The following NQO1 variants were observed in gnomAD, a reference collection of about 807,000 sequenced individuals.
The protein encoded by NQO1 is NAD(P)H quinone dehydrogenase 1.
In NQO1, 30 loss-of-function variants were observed where a neutral mutation model predicts 32.1. That is an observed-to-expected ratio of 0.94 (90% CI 0.70 to 1.27). The LOEUF is 1.27. Among genes scored for constraint, NQO1 ranks in the 50% most tolerant of loss-of-function variants. The pLI, the probability that NQO1 is intolerant of heterozygous loss-of-function variation, is 0.00. For synonymous variants in NQO1, 109 were observed against 119.7 expected (o/e 0.91, Z 0.59); for missense variants, 276 against 331.3 (o/e 0.83, Z 1.30).
intron 4 of NQO1, among the ~76,000 whole-genome samples, chr16:69,714,612 G>C (rs537133231): frequency 6.6e-6 from 1 of 151,468 alleles, no homozygotes; most frequent in Admixed American, 6.6e-5. Flanking sequence ...GGGCACAGTG[G>C]CTCACACCGG....
intron 3 of NQO1, among the ~76,000 whole-genome samples, chr16:69,717,248 A>G (rs975557424): frequency 3.3e-5 from 5 of 152,176 alleles, no homozygotes; most frequent in Admixed American, 6.5e-5. Flanking sequence ...CACTGACGAG[A>G]TGCACGCACA....
chr16:69,710,789 G>T lies in NQO1; in HGVS notation c.*187C>A. Reference sequence around the variant, plus strand: ...GAGCCCAGTCGGATTTTGGTTATATGCCATGATAGTAATCATAAGAATCAG... The same window carrying T: ...GAGCCCAGTCGGATTTTGGTTATATTCCATGATAGTAATCATAAGAATCAG... On this transcript the variant is annotated 3_prime_UTR_variant, in exon 6 of 6. Transcript: ENST00000320623. 1.5e-6 allele frequency: 1 copy of T among 672,784 alleles called. No individual in the cohort carries two copies. The highest frequency in any genetic ancestry group is 2.4e-6 in the Non-Finnish European group (1 of 414,934). 41.7% of individuals were successfully genotyped at this position (672,784 alleles called of 1,614,324 possible).
chr16:69,710,834 G>A lies in NQO1; in HGVS notation c.*142C>T. 1.1e-6 allele frequency: 1 copy of A among 930,786 alleles called. No homozygotes were observed. Among genetic ancestry groups the A allele is most frequent in the Non-Finnish European group, 1.6e-6 (1 of 637,444 alleles). The allele number at this position is 930,786 out of a possible 1,614,324, so 57.7% of individuals were successfully genotyped here. On this transcript the variant is annotated 3_prime_UTR_variant, in exon 6 of 6. Transcript: ENST00000320623. ...AATCAGTTAAAAATGATCCAAAAAT[G>A]CACGAATACAGTCGATTCCCTCTCA...
chr16:69,718,263 A>C lies in NQO1; in HGVS notation c.173-10T>G, dbSNP rs768756094. ...GGGTCCTTCAGTTTACCTGCAGAGAAGAAAAAGAGAGGCTGGGGCCAGAGG... is the reference window on the plus strand; with the variant it reads ...GGGTCCTTCAGTTTACCTGCAGAGACGAAAAAGAGAGGCTGGGGCCAGAGG... On this transcript the variant is annotated splice_polypyrimidine_tract_variant and intron_variant, in intron 2 of 5. Coordinates refer to ENST00000320623, the MANE Select transcript of NQO1 (RefSeq NM_000903.3). The C allele has an allele frequency of 1.2e-6, 2 of 1,613,802 alleles. No individual in the cohort carries two copies. Among genetic ancestry groups the C allele is most frequent in the Non-Finnish European group, 1.7e-6 (2 of 1,179,960 alleles).
intron 1 of NQO1, among the ~76,000 whole-genome samples, chr16:69,722,271 C>A (rs1197550669): frequency 6.6e-6 from 1 of 152,136 alleles, no homozygotes; most frequent in Non-Finnish European, 1.5e-5. Flanking sequence ...TCAAGCGATT[C>A]TCCTTCCTCA....
intron 1 of NQO1, among the ~76,000 whole-genome samples, chr16:69,719,687 C>T (rs879475309): frequency 1.6e-4 from 24 of 152,078 alleles, no homozygotes; most frequent in Non-Finnish European, 2.9e-4. Context: ...GCAGGAGAAT[C>T]GCTTGAACCC....
chr16:69,712,980 G>A (rs367850768), intron 5 of NQO1, 48 bp downstream of exon 5: 2 of 1,486,382 alleles, frequency 1.3e-6, no homozygotes, highest in Non-Finnish European at 1.9e-6. Context: ...ATGACAGAGT[G>A]AGACTCCGTC....
chr16:69,721,863 C>T (rs2151746785), intron 1 of NQO1, among the ~76,000 whole-genome samples: 1 of 146,424 alleles, frequency 6.8e-6, no homozygotes, highest in South Asian at 2.2e-4. Context: ...ATTAGCTGAG[C>T]GTAGTGGTGT....
intron 1 of NQO1, among the ~76,000 whole-genome samples, chr16:69,719,638 T>A (rs1381200295): frequency 6.6e-6 from 1 of 151,978 alleles, no homozygotes; most frequent in African/African-American, 2.4e-5. Flanking sequence ...CTGGGTGTGG[T>A]AGCGGGCACC....
chr16:69,713,910 C>T (rs1268270598), intron 4 of NQO1, among the ~76,000 whole-genome samples: 1 of 91,000 alleles, frequency 1.1e-5, no homozygotes, highest in Non-Finnish European at 2.2e-5. Flanking sequence ...GAGGCTCGCT[C>T]TGTCACCCAG....
chr16:69,713,175 C>T, intron 4 of NQO1, 46 bp from the exon 5 acceptor site: 1 of 1,391,330 alleles, frequency 7.2e-7, no homozygotes, highest in Non-Finnish European at 1.0e-6. Flanking sequence ...CTCCACATCC[C>T]CTTGGTGACA....
intron 5 of NQO1, among the ~76,000 whole-genome samples, chr16:69,712,012 T>G (rs1429848291): frequency 6.6e-6 from 1 of 152,148 alleles, no homozygotes; most frequent in Non-Finnish European, 1.5e-5. Flanking sequence ...TTATAGAAAT[T>G]ATCTTGAGGG....
In NQO1 at chr16:69,710,999, T is replaced by G. The variant is rs745613753; in HGVS notation, c.802A>C (p.Asn268His). The change falls in exon 6 of 6, where the codon AAC (asparagine) becomes CAC (histidine). Residue 268 changes from asparagine (N) to histidine (H), a missense_variant. By Grantham distance (68) the Asn-to-His change is moderately conservative. Transcript: ENST00000320623. The stretch of plus-strand genomic sequence containing the variant: ...TCTCATTTTCTAGCTTTGATCTGGT[T>G]GTCAGTTGGGATGGACTTGCCCAAG... ...HHLGKSIPTDNQIKARK is the reference protein window; with the variant it reads ...HHLGKSIPTDHQIKARK 6.2e-7 allele frequency: 1 copy of G among 1,613,410 alleles called. No homozygotes were observed. The highest frequency in any genetic ancestry group is 2.2e-5 in the East Asian group (1 of 44,876).
Position 69,710,776 on chromosome 16 carries a change from A to AT in NQO1, c.*199dup. On this transcript the variant is annotated 3_prime_UTR_variant, in exon 6 of 6. Transcript: ENST00000320623. ...TAAGTGGCCTCTTGAGCCCAGTCGG[A>AT]TTTTGGTTATATGCCATGATAGTAA... 1.6e-6 allele frequency: 1 copy of AT among 615,042 alleles called. No individual in the cohort carries two copies. The highest frequency in any genetic ancestry group is 2.7e-6 in the Non-Finnish European group (1 of 367,122). 38.1% of individuals were successfully genotyped at this position (615,042 alleles called of 1,614,324 possible). A position where few individuals can be genotyped will look rare whatever the true frequency, so the allele number is the denominator to read the frequency against.
rs762328535 is a variant in NQO1 at position 69,718,551 on chromosome 16, A to C, written c.8-17T>G. On this transcript the variant is annotated splice_polypyrimidine_tract_variant and intron_variant, in intron 1 of 5. Transcript: ENST00000320623. ...CTCTTCTGCCTACAGAGACACACAC[A>C]AAGCACACACGGAAAACCCATTACC... 3.5e-5 allele frequency: 57 copies of C among 1,612,178 alleles called. No individual in the cohort carries two copies. The highest frequency in any genetic ancestry group is 4.7e-5 in the Non-Finnish European group (55 of 1,179,442).
Position 69,709,996 on chromosome 16 carries a change from T to C in NQO1, c.*980A>G, listed in dbSNP as rs2038016630. On this transcript the variant is annotated 3_prime_UTR_variant, in exon 6 of 6. Coordinates refer to ENST00000320623, the MANE Select transcript of NQO1 (RefSeq NM_000903.3). The stretch of plus-strand genomic sequence containing the variant: ...CTTTCTTGAATTCATATTGCAGATG[T>C]ACGGTGTGGATTTATTGGTTTATCT... 7.8e-6 allele frequency: 3 copies of C among 386,814 alleles called. No individual in the cohort carries two copies. Among genetic ancestry groups the C allele is most frequent in the Non-Finnish European group, 1.4e-5 (3 of 219,172 alleles). 24.0% of individuals were successfully genotyped at this position (386,814 alleles called of 1,614,324 possible).
chr16:69,716,093 A>T (rs761969173), intron 3 of NQO1, among the ~76,000 whole-genome samples: 6 of 151,420 alleles, frequency 4.0e-5, no homozygotes, highest in Non-Finnish European at 7.4e-5. Context: ...GCTTGAGCCC[A>T]GGAGTTGGAG....
intron 1 of NQO1, among the ~76,000 whole-genome samples, chr16:69,723,964 C>T (rs924876847): frequency 5.3e-5 from 8 of 152,066 alleles, no homozygotes; most frequent in Admixed American, 6.6e-5. Flanking sequence ...GATGCACACA[C>T]GGATAACCTC....
intron 1 of NQO1, among the ~76,000 whole-genome samples, chr16:69,722,363 T>C (rs2038203991): frequency 6.6e-6 from 1 of 152,118 alleles, no homozygotes; most frequent in Non-Finnish European, 1.5e-5. Context: ...AGAGACACCA[T>C]GTTAGCCAGG....
Sources: gnomAD v4.1 joint callset for allele counts (sites outside exome capture counted in the v4.1 genomes callset) on GRCh38, gnomAD v4.1.1 for gene constraint, MANE v1.5 for transcripts, NCBI Gene and HGNC (gene_info 2026-07-23, HGNC 2026-07-21) for gene names.